DCAF10: variants seen among roughly 807,000 people sequenced by gnomAD.
DCAF10 encodes the protein DDB1- and CUL4-associated factor 10.
A neutral mutation model predicts 51.9 loss-of-function variants in DCAF10; 19 were observed. That is an observed-to-expected ratio of 0.37 (90% CI 0.26 to 0.54). The LOEUF (loss-of-function observed/expected upper bound fraction) is 0.54, where lower values mean the gene tolerates loss of function less well. Ranked by LOEUF, DCAF10 falls within the 20% of genes least tolerant of loss-of-function variation. DCAF10 has a pLI of 0.87. For missense variants in DCAF10, 510 were observed against 730.6 expected (o/e 0.70, Z 3.48); for synonymous variants, 291 against 297.1 (o/e 0.98, Z 0.21).
In DCAF10 at chr9:37,831,428, CAAAT is replaced by C. The variant is rs987159104; in HGVS notation, c.654-10657_654-10654del. On this transcript the variant is annotated intron_variant, in intron 2 of 6. Coordinates refer to ENST00000377724, the MANE Select transcript of DCAF10 (RefSeq NM_024345.5). ...ATTTAAGGAATAAAAAACTATAACT[CAAAT>C]AAAGAGATTTGCCCAAGTTCTTAGA... Among the ~76,000 whole-genome samples, 11 of 152,160 alleles carry C rather than the reference CAAAT, an allele frequency of 7.2e-5. No individual in the cohort carries two copies. The South Asian group carries it at 2.1e-3, about 29-fold the overall frequency.
At chr9:37,845,250 A>G (rs1174617191) in intron 3 of DCAF10, among the ~76,000 whole-genome samples, 1 of 152,236 alleles carries the variant, frequency 6.6e-6, no homozygotes, top group Non-Finnish European at 1.5e-5. Context: ...TAAGTGTAAA[A>G]GCATAAAATT....
intron 1 of DCAF10, among the ~76,000 whole-genome samples, chr9:37,815,706 C>CA (rs1829505069): frequency 6.6e-6 from 1 of 151,078 alleles, no homozygotes; most frequent in Admixed American, 6.6e-5. Context: ...TATTATCAAC[C>CA]AAAAACCCCA....
intron 1 of DCAF10, among the ~76,000 whole-genome samples, chr9:37,802,881 TC>T (rs1829001268): frequency 3.3e-5 from 5 of 152,196 alleles, no homozygotes; most frequent in Admixed American, 3.3e-4. Context: ...GAACAGTCTG[TC>T]CTCAAATATT....
chr9:37,816,659 G>GGGGT lies in DCAF10; in HGVS notation c.540-2628_540-2627insGGTG, dbSNP rs372664140. On this transcript the variant is annotated intron_variant, in intron 1 of 6. Coordinates refer to ENST00000377724, the MANE Select transcript of DCAF10 (RefSeq NM_024345.5). ...AATCTCAATTAACATCTGCACCTGGGGTGTGTGTGTGTGTGTGTGTGTGTG... is the reference window on the plus strand; with the variant it reads ...AATCTCAATTAACATCTGCACCTGGGGGGTGTGTGTGTGTGTGTGTGTGTGTGTG... 5.0e-4 allele frequency among the ~76,000 whole-genome samples: 72 copies of GGGGT among 144,980 alleles called. 1 individual carries two copies. The highest frequency in any genetic ancestry group is 2.8e-3 in the Admixed American group (40 of 14,326).
chr9:37,809,819 C>T (rs926905532), intron 1 of DCAF10, among the ~76,000 whole-genome samples: 1 of 147,008 alleles, frequency 6.8e-6, no homozygotes, highest in Non-Finnish European at 1.5e-5. Flanking sequence ...GGCAAAAGAG[C>T]GAAACTCTGT....
In DCAF10 at chr9:37,865,653, T is replaced by C. The variant is rs372113637; in HGVS notation, c.*4145T>C. On this transcript the variant is annotated 3_prime_UTR_variant, in exon 7 of 7. Coordinates refer to ENST00000377724, the MANE Select transcript of DCAF10 (RefSeq NM_024345.5). ...TAATGAGTTAGGGACATCAAATATATAGTAGTTCCTTATTTTCAGTTGTGA... is the reference window on the plus strand; with the variant it reads ...TAATGAGTTAGGGACATCAAATATACAGTAGTTCCTTATTTTCAGTTGTGA... 1.3e-5 allele frequency: 2 copies of C among 152,194 alleles called. No homozygotes were observed. Among genetic ancestry groups the C allele is most frequent in the South Asian group, 2.1e-4 (1 of 4,830 alleles). The allele number at this position is 152,194 out of a possible 1,614,324, so 9.4% of individuals were successfully genotyped here. A position where few individuals can be genotyped will look rare whatever the true frequency, so the allele number is the denominator to read the frequency against.
chr9:37,846,242 G>A (rs1243893140), intron 3 of DCAF10, among the ~76,000 whole-genome samples: 5 of 152,026 alleles, frequency 3.3e-5, no homozygotes, highest in Admixed American at 2.6e-4. Flanking sequence ...AGATAAAATG[G>A]GTAAATCTGT....
In DCAF10 at chr9:37,866,245, T is replaced by C. The variant is rs190810888; in HGVS notation, c.*4737T>C. 6.5e-6 allele frequency: 1 copy of C among 152,766 alleles called. No individual in the cohort carries two copies. The highest frequency in any genetic ancestry group is 1.9e-4 in the East Asian group (1 of 5,182). The allele number at this position is 152,766 out of a possible 1,614,324, so 9.5% of individuals were successfully genotyped here. A position where few individuals can be genotyped will look rare whatever the true frequency, so the allele number is the denominator to read the frequency against. Reference sequence around the variant, plus strand: ...GATGTGAGTATTTCAGGTATGTTAGTATACCTTCCTGCCTTCTTCTTAAAC... The same window carrying C: ...GATGTGAGTATTTCAGGTATGTTAGCATACCTTCCTGCCTTCTTCTTAAAC... On this transcript the variant is annotated 3_prime_UTR_variant, in exon 7 of 7. Coordinates refer to ENST00000377724, the MANE Select transcript of DCAF10 (RefSeq NM_024345.5).
rs1452349410 is a variant in DCAF10 at position 37,867,477 on chromosome 9, T to G, written c.*5969T>G. The G allele has an allele frequency of 6.6e-6, 1 of 151,788 alleles. No individual in the cohort carries two copies. Among genetic ancestry groups the G allele is most frequent in the Non-Finnish European group, 1.5e-5 (1 of 67,986 alleles). 9.4% of individuals were successfully genotyped at this position (151,788 alleles called of 1,614,324 possible). ...TTTTAGATTCACATTTTTAGGAAAT[T>G]TGGAGTATTCCAGACAATATACTAG... On this transcript the variant is annotated 3_prime_UTR_variant, in exon 7 of 7. Transcript: ENST00000377724.
chr9:37,800,688 G>C (rs1828889497), upstream of DCAF10: 2 of 1,535,976 alleles, frequency 1.3e-6, no homozygotes, highest in Admixed American at 3.9e-5. Flanking sequence ...GGACTGCGGC[G>C]CCCCAAACCC....
At chr9:37,832,815 T>C (rs961638415) in intron 2 of DCAF10, among the ~76,000 whole-genome samples, 3 of 152,212 alleles carry the variant, frequency 2.0e-5, no homozygotes, top group African/African-American at 7.2e-5. Context: ...TTGGGAAAAT[T>C]GATGAGGCCC....
intron 3 of DCAF10, among the ~76,000 whole-genome samples, chr9:37,849,012 AGT>A (rs1390560338): frequency 1.3e-5 from 2 of 151,890 alleles, no homozygotes. Context: ...ACCTAAAATG[AGT>A]GAGTTTTATG....
intron 2 of DCAF10, among the ~76,000 whole-genome samples, chr9:37,823,616 A>G (rs541044293): frequency 5.9e-5 from 9 of 152,262 alleles, no homozygotes; most frequent in Non-Finnish European, 1.3e-4. Flanking sequence ...TACATGTAAA[A>G]CAAAATAAAA....
chr9:37,810,755 C>T (rs1426660493), intron 1 of DCAF10, among the ~76,000 whole-genome samples: 2 of 152,104 alleles, frequency 1.3e-5, no homozygotes, highest in South Asian at 4.1e-4. Context: ...AGCCACTGCG[C>T]CTGGCCTCTG....
At chr9:37,806,093 T>C (rs1564023389) in intron 1 of DCAF10, among the ~76,000 whole-genome samples, 2 of 152,000 alleles carry the variant, frequency 1.3e-5, no homozygotes, top group Non-Finnish European at 2.9e-5. Flanking sequence ...AAAAATAAAA[T>C]AAAATTAAAA....
chr9:37,856,489 A>G (rs1451957104), intron 4 of DCAF10, among the ~76,000 whole-genome samples: 1 of 152,240 alleles, frequency 6.6e-6, no homozygotes, highest in Non-Finnish European at 1.5e-5. Flanking sequence ...GATACTAAAT[A>G]ACATTACAGG....
At chr9:37,835,591 ACCTGGG>A (rs1183349479) in intron 2 of DCAF10, among the ~76,000 whole-genome samples, 1 of 151,570 alleles carries the variant, frequency 6.6e-6, no homozygotes, top group African/African-American at 2.4e-5. Flanking sequence ...AAAAAAAGTT[ACCTGGG>A]CGTGGTGGCG....
chr9:37,861,664 T>A lies in DCAF10; in HGVS notation c.*156T>A. ...ACACACTTGTGACCTTAGTACTTGG[T>A]CATCCAGCATCATACAGGCATCTCC... On this transcript the variant is annotated 3_prime_UTR_variant, in exon 7 of 7. Transcript: ENST00000377724. The surrounding 1 kb of genome is among the most constrained non-coding windows in gnomAD (Gnocchi z 4.9). 1 of 1,002,566 alleles carries A rather than the reference T, an allele frequency of 1.0e-6. No homozygotes were observed. Among genetic ancestry groups the A allele is most frequent in the Non-Finnish European group, 1.4e-6 (1 of 703,806 alleles). 62.1% of individuals were successfully genotyped at this position (1,002,566 alleles called of 1,614,324 possible). A position where few individuals can be genotyped will look rare whatever the true frequency, so the allele number is the denominator to read the frequency against.
At chr9:37,850,015 C>T (rs1308318306) in intron 3 of DCAF10, among the ~76,000 whole-genome samples, 3 of 152,180 alleles carry the variant, frequency 2.0e-5, no homozygotes. Context: ...GCCATGATTG[C>T]ACCACTGCAC....
Sources: allele counts gnomAD v4.1 joint callset (sites outside exome capture counted in the v4.1 genomes callset), GRCh38; gene constraint gnomAD v4.1.1; non-coding constraint Gnocchi (gnomAD v3.1); transcripts MANE v1.5; gene names NCBI Gene and HGNC (gene_info 2026-07-23, HGNC 2026-07-21).